The following DSE variants were observed in gnomAD, a reference collection of about 807,000 sequenced individuals.
The protein encoded by DSE is dermatan-sulfate epimerase.
DSE carries 36 observed loss-of-function variants against 84.4 expected under a neutral mutation model. The observed-to-expected ratio is 0.43, with a 90% CI of 0.33 to 0.56. The LOEUF (loss-of-function observed/expected upper bound fraction) is 0.56, where lower values mean the gene tolerates loss of function less well. Among genes scored for constraint, DSE ranks in the 20% least tolerant of loss-of-function variants. DSE has a pLI of 0.06. For missense variants in DSE, 862 were observed against 1,169.6 expected (o/e 0.74, Z 3.84); for synonymous variants, 410 against 430.1 (o/e 0.95, Z 0.58).
At chr6:116,370,910 T>C, upstream of DSE, 1 of 985,364 alleles carries the variant, frequency 1.0e-6, no homozygotes, top group Non-Finnish European at 1.2e-6. Context: ...TCCGCCCCTT[T>C]CGCCCACACC....
intron 2 of DSE, among the ~76,000 whole-genome samples, chr6:116,346,721 G>A (rs373446049): frequency 3.9e-5 from 6 of 152,252 alleles, no homozygotes; most frequent in South Asian, 2.1e-4. Flanking sequence ...AGACAGAGAC[G>A]CCCTCTCTTA....
At chr6:116,285,557 G>T (rs62423802) in intron 2 of DSE, among the ~76,000 whole-genome samples, 36,652 of 152,088 alleles carry the variant, frequency 0.24, 5,557 homozygotes, top group East Asian at 0.64. Flanking sequence ...GGCTTTTGTT[G>T]CCATTGCTTT....
chr6:116,386,221 C>T (rs922260457), intron 1 of DSE, among the ~76,000 whole-genome samples: 5 of 152,162 alleles, frequency 3.3e-5, no homozygotes, highest in Non-Finnish European at 7.4e-5. Context: ...GTGAAAGTAT[C>T]ACATTTTCTT....
At chr6:116,303,605 TC>T (rs1775166280) in intron 2 of DSE, among the ~76,000 whole-genome samples, 1 of 151,788 alleles carries the variant, frequency 6.6e-6, no homozygotes, top group African/African-American at 2.4e-5. Flanking sequence ...CACTTCCCCT[TC>T]CCCCAACAAC....
chr6:116,341,142 C>T (rs1777565555), intron 2 of DSE, among the ~76,000 whole-genome samples: 1 of 152,218 alleles, frequency 6.6e-6, no homozygotes, highest in African/African-American at 2.4e-5. Flanking sequence ...TCCTCTCCAG[C>T]ATCTGTTGTT....
At chr6:116,429,667 G>GTTATT (rs1583225025) in intron 3 of DSE, among the ~76,000 whole-genome samples, 5 of 86,866 alleles carry the variant, frequency 5.8e-5, no homozygotes, top group South Asian at 2.8e-4. Context: ...ATGAGGAGTT[G>GTTATT]GCCGGGCGCG....
chr6:116,275,693 G>T (rs1042505773), intron 2 of DSE, among the ~76,000 whole-genome samples: 1 of 152,040 alleles, frequency 6.6e-6, no homozygotes, highest in African/African-American at 2.4e-5. Flanking sequence ...CCAGCTACTC[G>T]GGAGGCTGAT....
intron 2 of DSE, among the ~76,000 whole-genome samples, chr6:116,264,522 A>G (rs556652879): frequency 2.6e-5 from 4 of 152,172 alleles, no homozygotes; most frequent in South Asian, 2.1e-4. Context: ...TTGGGTTTCA[A>G]TGTACTCTGG....
Position 116,439,768 on chromosome 6 carries a change from C to A in DSE, c.*2423C>A, listed in dbSNP as rs187607461. On this transcript the variant is annotated 3_prime_UTR_variant, in exon 6 of 6. Transcript: ENST00000644252. The stretch of plus-strand genomic sequence containing the variant: ...GGATTGGCAGGACTCTTGGTCCTAG[C>A]CTTAAAGAAAATTTGAGAATCACTA... 10 of 152,098 alleles carry A rather than the reference C, an allele frequency of 6.6e-5. No homozygotes were observed. The highest frequency in any genetic ancestry group is 2.4e-4 in the African/African-American group (10 of 41,490). The allele number at this position is 152,098 out of a possible 1,614,324, so 9.4% of individuals were successfully genotyped here.
chr6:116,313,863 C>A (rs1368980145), intron 2 of DSE, among the ~76,000 whole-genome samples: 4 of 152,106 alleles, frequency 2.6e-5, no homozygotes, highest in Non-Finnish European at 4.4e-5. Context: ...TTAAATGTAA[C>A]AAGAGTTTTA....
intron 1 of DSE, among the ~76,000 whole-genome samples, chr6:116,377,434 G>A (rs901863972): frequency 5.3e-5 from 8 of 152,182 alleles, no homozygotes; most frequent in African/African-American, 1.9e-4. Flanking sequence ...TTTGTTAGCA[G>A]TTCCTGAAGT....
chr6:116,424,623 C>T (rs1349352999), intron 2 of DSE, among the ~76,000 whole-genome samples: 1 of 151,962 alleles, frequency 6.6e-6, no homozygotes, highest in Non-Finnish European at 1.5e-5. Flanking sequence ...ATTGGGGATC[C>T]AATTGCGAAT....
chr6:116,281,368 A>G (rs944702191), intron 2 of DSE, among the ~76,000 whole-genome samples: 4 of 152,226 alleles, frequency 2.6e-5, no homozygotes, highest in Admixed American at 6.5e-5. Flanking sequence ...AAATTTGTGC[A>G]TTTTAAGCTA....
At chr6:116,430,486 A>C (rs1466730670) in intron 3 of DSE, among the ~76,000 whole-genome samples, 1 of 152,242 alleles carries the variant, frequency 6.6e-6, no homozygotes, top group African/African-American at 2.4e-5. Context: ...ACAGTTTATT[A>C]AAGACTGGAA....
At chr6:116,324,133 C>T (rs1287890284) in intron 2 of DSE, among the ~76,000 whole-genome samples, 5 of 152,166 alleles carry the variant, frequency 3.3e-5, no homozygotes, top group East Asian at 3.8e-4. Context: ...GGGCTTTCTT[C>T]GTATTAACAT....
At chr6:116,425,554 CAG>C (rs1783375348) in intron 2 of DSE, among the ~76,000 whole-genome samples, 2 of 152,036 alleles carry the variant, frequency 1.3e-5, no homozygotes, top group Admixed American at 6.5e-5. Context: ...GCTAGTCAAA[CAG>C]AAATTTGGCT....
chr6:116,407,546 T>C (rs1254432774), intron 2 of DSE, among the ~76,000 whole-genome samples: 1 of 152,192 alleles, frequency 6.6e-6, no homozygotes, highest in Non-Finnish European at 1.5e-5. Flanking sequence ...TAGGACCTCT[T>C]GGCCATATCT....
intron 5 of DSE, among the ~76,000 whole-genome samples, chr6:116,434,002 C>CA (rs948636734): frequency 6.6e-6 from 1 of 150,990 alleles, no homozygotes; most frequent in East Asian, 1.9e-4. Flanking sequence ...ATAATCACAC[C>CA]AAAAAAAAGG....
intron 2 of DSE, among the ~76,000 whole-genome samples, chr6:116,316,728 A>G (rs941146488): frequency 1.4e-4 from 22 of 151,992 alleles, no homozygotes; most frequent in African/African-American, 5.3e-4. Flanking sequence ...TTATCCTGAA[A>G]CTAATTACAG....
Sources: gnomAD v4.1 joint callset for allele counts (sites outside exome capture counted in the v4.1 genomes callset) on GRCh38, gnomAD v4.1.1 for gene constraint, MANE v1.5 for transcripts, NCBI Gene and HGNC (gene_info 2026-07-23, HGNC 2026-07-21) for gene names.